Variants in IGF1R observed in about 807,000 individuals in gnomAD.
IGF1R encodes insulin like growth factor 1 receptor.
IGF1R carries 44 observed loss-of-function variants against 144.6 expected under a neutral mutation model. The ratio of observed to expected loss-of-function variants is 0.30; its 90% confidence interval spans 0.24 to 0.39. The LOEUF (loss-of-function observed/expected upper bound fraction) is 0.39, where lower values mean the gene tolerates loss of function less well. Among genes scored for constraint, IGF1R ranks in the 10% least tolerant of loss-of-function variants. IGF1R has a pLI of 1.00. For missense variants in IGF1R, 1,355 were observed against 1,833.7 expected (o/e 0.74, Z 4.77); for synonymous variants, 795 against 722.8 (o/e 1.10, Z -1.60).
intron 2 of IGF1R, among the ~76,000 whole-genome samples, chr15:98,878,615 T>C (rs771091460): frequency 8.4e-6 from 1 of 119,494 alleles, no homozygotes; most frequent in African/African-American, 3.3e-5. Context: ...AGTTGCAAAA[T>C]AGTCACCCAT....
At chr15:98,780,009 C>T (rs749267844) in intron 2 of IGF1R, among the ~76,000 whole-genome samples, 1 of 152,076 alleles carries the variant, frequency 6.6e-6, no homozygotes, top group South Asian at 2.1e-4. Flanking sequence ...TAGTGACTTG[C>T]ATGGGAGGTT....
intron 2 of IGF1R, among the ~76,000 whole-genome samples, chr15:98,827,548 C>A (rs1377666362): frequency 1.3e-5 from 2 of 152,170 alleles, no homozygotes; most frequent in African/African-American, 4.8e-5. Flanking sequence ...AGGCCATTTA[C>A]CACTTCTTTT....
chr15:98,961,721 G>A lies in IGF1R; in HGVS notation c.*4279G>A, dbSNP rs2017233758. On this transcript the variant is annotated 3_prime_UTR_variant, in exon 21 of 21. Transcript: ENST00000650285. ...GAGGCAGCAGGAGCTGGTGTGTACT[G>A]GAGACACTGTTGAACTTGATCAAGA... 1 of 233,622 alleles carries A rather than the reference G, an allele frequency of 4.3e-6. No individual in the cohort carries two copies. 14.5% of individuals were successfully genotyped at this position (233,622 alleles called of 1,614,324 possible).
intron 2 of IGF1R, among the ~76,000 whole-genome samples, chr15:98,805,542 A>G (rs2141445626): frequency 6.6e-6 from 1 of 152,170 alleles, no homozygotes; most frequent in South Asian, 2.1e-4. Context: ...ACCTGAGAGC[A>G]CACTGCCCGT....
At position 98,962,414 on chromosome 15, in the gene IGF1R, C is replaced by T. The variant is rs998912311; in HGVS notation, c.*4972C>T. 5 of 233,644 alleles carry T rather than the reference C, an allele frequency of 2.1e-5. No individual in the cohort carries two copies. Among genetic ancestry groups the T allele is most frequent in the Admixed American group, 1.1e-4 (2 of 17,792 alleles). 14.5% of individuals were successfully genotyped at this position (233,644 alleles called of 1,614,324 possible). On this transcript the variant is annotated 3_prime_UTR_variant, in exon 21 of 21. Transcript: ENST00000650285. ...GGACCAGAGATCCACTCCTTAAGAA[C>T]CAGTGGCGAAAGACACTTTCTTTCT...
chr15:98,846,041 C>A (rs2011314650), intron 2 of IGF1R, among the ~76,000 whole-genome samples: 2 of 152,236 alleles, frequency 1.3e-5, no homozygotes, highest in South Asian at 4.1e-4. Context: ...CTTTGTTTTT[C>A]TAAAAGACAG....
intron 3 of IGF1R, among the ~76,000 whole-genome samples, chr15:98,895,487 T>G (rs2014149448): frequency 6.6e-6 from 1 of 152,044 alleles, no homozygotes; most frequent in Non-Finnish European, 1.5e-5. Context: ...AGTAAAAAAG[T>G]GCTGAAGGAA....
chr15:98,823,355 A>G (rs759414180), intron 2 of IGF1R, among the ~76,000 whole-genome samples: 2 of 152,160 alleles, frequency 1.3e-5, no homozygotes, highest in Non-Finnish European at 2.9e-5. Flanking sequence ...AGCTACTTCA[A>G]ATGCCCACAA....
At chr15:98,764,585 A>G (rs1020857730) in intron 2 of IGF1R, among the ~76,000 whole-genome samples, 3 of 152,218 alleles carry the variant, frequency 2.0e-5, no homozygotes, top group Non-Finnish European at 2.9e-5. Context: ...ACTGTGAAGC[A>G]TTTTCAGAGA....
chr15:98,649,419 C>A lies in IGF1R; in HGVS notation c.-163C>A. 2.3e-6 allele frequency: 1 copy of A among 429,420 alleles called. No individual in the cohort carries two copies. Among genetic ancestry groups the A allele is most frequent in the Non-Finnish European group, 3.9e-6 (1 of 253,670 alleles). 26.6% of individuals were successfully genotyped at this position (429,420 alleles called of 1,614,324 possible). A position where few individuals can be genotyped will look rare whatever the true frequency, so the allele number is the denominator to read the frequency against. On this transcript the variant is annotated 5_prime_UTR_variant, in exon 1 of 21. Transcript: ENST00000650285. ...CGTCCGCGCACCCGGAGGGCCCCGG[C>A]GGCGCCGCCTTCGGAGTATTGTTTC...
intron 2 of IGF1R, among the ~76,000 whole-genome samples, chr15:98,731,795 C>G (rs1321560006): frequency 6.6e-6 from 1 of 152,144 alleles, no homozygotes; most frequent in East Asian, 1.9e-4. Flanking sequence ...GCCGGTTGGT[C>G]TAGGCCAGGA....
rs1291136048 is a variant in IGF1R at position 98,916,808 on chromosome 15, C to A, written c.2133C>A (p.Ala711=). The change falls in exon 10 of 21, where the codon GCC becomes GCA. Residue 711 remains alanine, a synonymous_variant. Coordinates refer to ENST00000650285, the MANE Select transcript of IGF1R (RefSeq NM_000875.5). ...CCAAAACTGAAGCCGAGAAGCAGGC[C>A]GAGAAGGAGGAGGCTGAATACCGCA... ...ACPKTEAEKQ[A]EKEEAEYRKV... 1 of 1,613,996 alleles carries A rather than the reference C, an allele frequency of 6.2e-7. No homozygotes were observed.
chr15:98,959,885 GTTTTCT>G lies in IGF1R; in HGVS notation c.*2447_*2452del, dbSNP rs531640827. ...AAAAAAAAAGGTATTATATGTAGGA[GTTTTCT>G]TTTAATTTATTTTGTGATAAATTAC... is the stretch of plus-strand genomic sequence containing the variant. On this transcript the variant is annotated 3_prime_UTR_variant, in exon 21 of 21. Coordinates refer to ENST00000650285, the MANE Select transcript of IGF1R (RefSeq NM_000875.5). 4.3e-6 allele frequency: 1 copy of G among 231,884 alleles called. No homozygotes were observed. Among genetic ancestry groups the G allele is most frequent in the African/African-American group, 2.2e-5 (1 of 45,010 alleles). The allele number at this position is 231,884 out of a possible 1,614,324, so 14.4% of individuals were successfully genotyped here.
intron 1 of IGF1R, among the ~76,000 whole-genome samples, chr15:98,658,424 A>G (rs987560680): frequency 9.9e-5 from 15 of 152,204 alleles, no homozygotes; most frequent in African/African-American, 3.6e-4. Context: ...TGGGGGAGAC[A>G]TTTCTCCTTT....
chr15:98,899,672 G>GC, intron 5 of IGF1R, 51 bp downstream of exon 5: 4 of 1,572,540 alleles, frequency 2.5e-6, no homozygotes, highest in Non-Finnish European at 3.5e-6. Context: ...AATAAGCAGC[G>GC]TGCTTATGAA....
chr15:98,654,490 A>G (rs1166756085), intron 1 of IGF1R, among the ~76,000 whole-genome samples: 2 of 152,212 alleles, frequency 1.3e-5, no homozygotes, highest in Non-Finnish European at 2.9e-5. Context: ...GGCATTTTAT[A>G]ATTTGTAAAT....
chr15:98,759,983 T>C (rs1389004347), intron 2 of IGF1R, among the ~76,000 whole-genome samples: 1 of 152,202 alleles, frequency 6.6e-6, no homozygotes, highest in Non-Finnish European at 1.5e-5. Context: ...TGCCACATTT[T>C]GCTTGGTTAT....
At chr15:98,676,410 ACAGGCGTGAGC>A (rs2053047478) in intron 1 of IGF1R, among the ~76,000 whole-genome samples, 1 of 152,234 alleles carries the variant, frequency 6.6e-6, no homozygotes. Context: ...TGCTAGGATT[ACAGGCGTGAGC>A]CACCGCTCCT....
chr15:98,829,983 A>G (rs1045580880), intron 2 of IGF1R, among the ~76,000 whole-genome samples: 4 of 152,220 alleles, frequency 2.6e-5, no homozygotes, highest in East Asian at 1.9e-4. Flanking sequence ...TGATTATCAA[A>G]TGTCCACCAT....
Sources: gnomAD v4.1 joint callset for allele counts (sites outside exome capture counted in the v4.1 genomes callset) on GRCh38, gnomAD v4.1.1 for gene constraint, MANE v1.5 for transcripts, NCBI Gene and HGNC (gene_info 2026-07-23, HGNC 2026-07-21) for gene names.